Variants in PDE11A observed in about 807,000 individuals in gnomAD.
The protein encoded by PDE11A is dual 3',5'-cyclic-AMP and -GMP phosphodiesterase 11A.
Under a neutral mutation model 100.5 loss-of-function variants are expected in PDE11A, and 100 were observed. That is an observed-to-expected ratio of 1.00 (90% CI 0.85 to 1.18). The LOEUF is 1.18. PDE11A is among the 50% of genes most tolerant of loss of function. PDE11A has a pLI of 0.00. For synonymous variants in PDE11A, 381 were observed against 420.8 expected, an observed-to-expected ratio of 0.91 and a Z score of 1.16; for missense variants, 1,141 against 1,152.6, an observed-to-expected ratio of 0.99 and a Z score of 0.15.
intron 1 of PDE11A, among the ~76,000 whole-genome samples, chr2:178,038,677 T>C (rs1462493963): frequency 6.6e-6 from 1 of 152,074 alleles, no homozygotes; most frequent in East Asian, 1.9e-4. Context: ...ATTTGCATGG[T>C]CTATACTTTC....
intron 1 of PDE11A, among the ~76,000 whole-genome samples, chr2:178,035,809 C>T (rs1409977819): frequency 6.6e-6 from 1 of 152,124 alleles, no homozygotes; most frequent in Non-Finnish European, 1.5e-5. Context: ...CAGAAAAGGC[C>T]TTCAATAAAA....
At chr2:177,844,534 A>C (rs1260382068) in intron 5 of PDE11A, among the ~76,000 whole-genome samples, 1 of 150,972 alleles carries the variant, frequency 6.6e-6, no homozygotes, top group Non-Finnish European at 1.5e-5. Context: ...TTTTTTAATT[A>C]ATTAATTAAT....
At chr2:177,890,386 T>C (rs1574255794) in intron 4 of PDE11A, among the ~76,000 whole-genome samples, 1 of 152,160 alleles carries the variant, frequency 6.6e-6, no homozygotes, top group South Asian at 2.1e-4. Context: ...AGGCACCTGC[T>C]CTTACTGTTT....
intron 10 of PDE11A, among the ~76,000 whole-genome samples, chr2:177,742,416 G>A (rs533076230): frequency 6.6e-6 from 1 of 152,214 alleles, no homozygotes; most frequent in East Asian, 1.9e-4. Context: ...CCAAGCACAG[G>A]CAATGTCTGT....
intron 13 of PDE11A, among the ~76,000 whole-genome samples, chr2:177,706,109 A>G (rs1488647323): frequency 2.0e-5 from 3 of 152,226 alleles, no homozygotes; most frequent in African/African-American, 7.2e-5. Flanking sequence ...TTAAGAACAA[A>G]ATATGAAAAT....
intron 2 of PDE11A, among the ~76,000 whole-genome samples, chr2:177,986,500 G>A (rs1478849087): frequency 1.3e-5 from 2 of 152,068 alleles, no homozygotes; most frequent in East Asian, 1.9e-4. Flanking sequence ...CTACTCATGC[G>A]TTTTACCCTC....
In PDE11A at chr2:177,936,490, A is replaced by G. The variant is rs142086513; in HGVS notation, c.1072-31303T>C. 7.0e-3 allele frequency among the ~76,000 whole-genome samples: 1,068 copies of G among 152,348 alleles called. 21 individuals are homozygous for G. Among genetic ancestry groups the G allele is most frequent in the African/African-American group, 0.024 (1,014 of 41,568 alleles). On this transcript the variant is annotated intron_variant, in intron 2 of 19. Transcript: ENST00000286063. ...CGTTTCACTTATCAACTGCTCACAG[A>G]TCTTCCCTAATTGAAAAAATGCTGA...
rs558905210 is a variant in PDE11A, at chr2:177,871,415, G to C, written c.1367+4444C>G. 5.3e-5 allele frequency among the ~76,000 whole-genome samples: 8 copies of C among 152,018 alleles called. No individual in the cohort carries two copies. The South Asian group carries it at 1.7e-3, about 32-fold the overall frequency. On this transcript the variant is annotated intron_variant, in intron 5 of 19. Transcript: ENST00000286063. ...TGGTGAGGAGTGCAGTTATGCCCGT[G>C]GGAATTCCGGAGTGGGCAAGGAAGC... is the stretch of plus-strand genomic sequence containing the variant.
chr2:178,072,801 G>C (rs2087156054), upstream of PDE11A: 1 of 1,222,928 alleles, frequency 8.2e-7, no homozygotes, highest in South Asian at 1.6e-5. Context: ...GCTGTGACAG[G>C]GAGGTAGGGC....
At chr2:177,701,067 C>A in intron 14 of PDE11A, 54 bp downstream of exon 14, 1 of 970,698 alleles carries the variant, frequency 1.0e-6, no homozygotes, top group Non-Finnish European at 1.7e-6. Flanking sequence ...AGGGAGGAAA[C>A]AAAGAGTTGT....
chr2:177,977,702 C>CT (rs2085827802), intron 2 of PDE11A, among the ~76,000 whole-genome samples: 2 of 141,304 alleles, frequency 1.4e-5, no homozygotes, highest in South Asian at 4.9e-4. Flanking sequence ...TACAAGGCTA[C>CT]AGTAACCAAA....
intron 9 of PDE11A, among the ~76,000 whole-genome samples, chr2:177,794,766 T>G (rs995121905): frequency 9.7e-5 from 7 of 72,498 alleles, no homozygotes; most frequent in African/African-American, 1.3e-4. Flanking sequence ...GGTGTCTGGT[T>G]TTTGTTTGTT....
At chr2:177,891,147 C>T (rs1048557815) in intron 4 of PDE11A, among the ~76,000 whole-genome samples, 1 of 152,062 alleles carries the variant, frequency 6.6e-6, no homozygotes, top group African/African-American at 2.4e-5. Flanking sequence ...GCAAAGGTTA[C>T]CCCTTTTTCA....
intron 1 of PDE11A, among the ~76,000 whole-genome samples, chr2:178,050,761 T>C (rs370185707): frequency 1.3e-5 from 2 of 152,104 alleles, no homozygotes; most frequent in Non-Finnish European, 2.9e-5. Flanking sequence ...GTATCAGTGA[T>C]TGAAGATCAA....
rs970548132 is a variant in PDE11A, at chr2:177,875,778, C to G, written c.1367+81G>C. On this transcript the variant is annotated intron_variant, in intron 5 of 19. Transcript: ENST00000286063. Reference sequence around the variant, plus strand: ...TGCTTGCTAATATAAAGAACTACTACTATCTTCTAAGAATTATGCAATGCT... The same window carrying G: ...TGCTTGCTAATATAAAGAACTACTAGTATCTTCTAAGAATTATGCAATGCT... 4.5e-6 allele frequency: 4 copies of G among 889,788 alleles called. No homozygotes were observed. The African/African-American group carries it at 6.6e-5, about 15-fold the overall frequency. The allele number at this position is 889,788 out of a possible 1,614,324, so 55.1% of individuals were successfully genotyped here.
chr2:177,661,494 T>C (rs2080485033), intron 19 of PDE11A, among the ~76,000 whole-genome samples: 1 of 152,168 alleles, frequency 6.6e-6, no homozygotes, highest in Admixed American at 6.5e-5. Context: ...CACCAACAGT[T>C]AATGTGAGAT....
chr2:177,870,001 A>G (rs759585219), intron 5 of PDE11A, among the ~76,000 whole-genome samples: 3 of 152,222 alleles, frequency 2.0e-5, no homozygotes, highest in Non-Finnish European at 4.4e-5. Context: ...CACCTTAATA[A>G]CAGTCCTGCA....
At chr2:177,659,888 G>C (rs1028831389) in intron 19 of PDE11A, among the ~76,000 whole-genome samples, 2 of 152,004 alleles carry the variant, frequency 1.3e-5, no homozygotes, top group East Asian at 1.9e-4. Context: ...GTATTCCTTC[G>C]AGATACCCTG....
Position 177,629,413 on chromosome 2 carries a change from CCT to C in PDE11A, c.2794_2795del (p.Arg932GlufsTer16), listed in dbSNP as rs544402571. 1 of 1,612,970 alleles carries C rather than the reference CCT, an allele frequency of 6.2e-7. No individual in the cohort carries two copies. The highest frequency in any genetic ancestry group is 8.5e-7 in the Non-Finnish European group (1 of 1,179,814). ...CTGCAGCTGACCTGGAGGTTTAGTTCCTGTCTTCCTTGGCTACCATAACACTG... is the reference window on the plus strand; with the variant it reads ...CTGCAGCTGACCTGGAGGTTTAGTTCGTCTTCCTTGGCTACCATAACACTG... ...PASVMVAKED[R>X]N On this transcript the variant is annotated frameshift_variant, in exon 20 of 20. Coordinates refer to ENST00000286063, the MANE Select transcript of PDE11A (RefSeq NM_016953.4). LOFTEE classifies it high-confidence loss of function.
Sources: allele counts gnomAD v4.1 joint callset (sites outside exome capture counted in the v4.1 genomes callset), GRCh38; gene constraint gnomAD v4.1.1; transcripts MANE v1.5; gene names NCBI Gene and HGNC (gene_info 2026-07-23, HGNC 2026-07-21).